The following CMKLR1 variants were observed in gnomAD, a reference collection of about 807,000 sequenced individuals.
The protein encoded by CMKLR1 is chemerin chemokine-like receptor 1.
CMKLR1 carries 6 observed loss-of-function variants against 8.2 expected under a neutral mutation model. The ratio of observed to expected loss-of-function variants is 0.73; its 90% CI spans 0.40 to 1.44. The LOEUF is 1.44. Ranked by LOEUF, CMKLR1 falls within the 40% of genes most tolerant of loss-of-function variation. The pLI is 0.02. For missense variants in CMKLR1, 429 were observed against 478.0 expected (o/e 0.90, Z 0.96); for synonymous variants, 178 against 181.2 (o/e 0.98, Z 0.14).
chr12:108,321,530 C>A (rs569335872), intron 2 of CMKLR1, among the ~76,000 whole-genome samples: 1 of 152,154 alleles, frequency 6.6e-6, no homozygotes, highest in African/African-American at 2.4e-5. Flanking sequence ...TGCACTTTCA[C>A]GCGTCTGCGT....
At position 108,289,408 on chromosome 12, in the gene CMKLR1, A is replaced by T. The variant is rs879431587; in HGVS notation, c.*2433T>A. 1 of 152,336 alleles carries T rather than the reference A, an allele frequency of 6.6e-6. No homozygotes were observed. Among genetic ancestry groups the T allele is most frequent in the Non-Finnish European group, 1.5e-5 (1 of 68,118 alleles). The allele number at this position is 152,336 out of a possible 1,614,324, so 9.4% of individuals were successfully genotyped here. ...GCATTTAAGTACTTGACAGGAACCTAAGTCAGAACAGGAAGACCCACAGAG... is the reference window on the plus strand; with the variant it reads ...GCATTTAAGTACTTGACAGGAACCTTAGTCAGAACAGGAAGACCCACAGAG... On this transcript the variant is annotated 3_prime_UTR_variant, in exon 4 of 4. Coordinates refer to ENST00000550402, the MANE Select transcript of CMKLR1 (RefSeq NM_001142343.2).
At chr12:108,334,327 G>A (rs1318253113) in intron 1 of CMKLR1, among the ~76,000 whole-genome samples, 1 of 152,258 alleles carries the variant, frequency 6.6e-6, no homozygotes, top group Non-Finnish European at 1.5e-5. Flanking sequence ...TGCTGCAGCT[G>A]TTACTCCCAC....
chr12:108,299,947 C>A (rs1878021), intron 2 of CMKLR1, among the ~76,000 whole-genome samples: 3 of 152,106 alleles, frequency 2.0e-5, no homozygotes, highest in Non-Finnish European at 4.4e-5. Flanking sequence ...GCTCCTACAG[C>A]GTCCTGCTCA....
chr12:108,313,199 A>T (rs1891629386), intron 2 of CMKLR1, among the ~76,000 whole-genome samples: 1 of 151,908 alleles, frequency 6.6e-6, no homozygotes. Context: ...CCAGGCTGTC[A>T]CCTCTCCCAA....
rs1890938952 is a variant in CMKLR1, at chr12:108,290,679, G to A, written c.*1162C>T. On this transcript the variant is annotated 3_prime_UTR_variant, in exon 4 of 4. Coordinates refer to ENST00000550402, the MANE Select transcript of CMKLR1 (RefSeq NM_001142343.2). ...TGGCCACAGGGACGTGTCAGTATTAGATGAGAAAAGCCATGCCAGGCACCT... is the reference window on the plus strand; with the variant it reads ...TGGCCACAGGGACGTGTCAGTATTAAATGAGAAAAGCCATGCCAGGCACCT... The A allele has an allele frequency of 6.6e-6, 1 of 152,184 alleles. No individual in the cohort carries two copies. Among genetic ancestry groups the A allele is most frequent in the East Asian group, 1.9e-4 (1 of 5,190 alleles). 9.4% of individuals were successfully genotyped at this position (152,184 alleles called of 1,614,324 possible).
chr12:108,306,403 G>GGGTT (rs1891409984), intron 2 of CMKLR1, among the ~76,000 whole-genome samples: 1 of 151,972 alleles, frequency 6.6e-6, no homozygotes, highest in South Asian at 2.1e-4. Flanking sequence ...TCATTTGAGT[G>GGGTT]GGTTGTCCAT....
intron 2 of CMKLR1, among the ~76,000 whole-genome samples, chr12:108,321,095 C>G (rs1333149651): frequency 1.3e-5 from 2 of 152,216 alleles, no homozygotes; most frequent in African/African-American, 4.8e-5. Context: ...ACAATGCTCA[C>G]TCCAGGGGTC....
At chr12:108,312,570 G>A (rs1327938299) in intron 2 of CMKLR1, among the ~76,000 whole-genome samples, 4 of 152,172 alleles carry the variant, frequency 2.6e-5, no homozygotes, top group Non-Finnish European at 1.5e-5. Flanking sequence ...ACAAACCTTC[G>A]AGGTAGATAT....
At chr12:108,311,559 G>A (rs370613935) in intron 2 of CMKLR1, among the ~76,000 whole-genome samples, 8 of 152,204 alleles carry the variant, frequency 5.3e-5, no homozygotes, top group Admixed American at 2.6e-4. Context: ...CCAGGAAGTC[G>A]AGGCTGCAGT....
intron 2 of CMKLR1, among the ~76,000 whole-genome samples, chr12:108,298,522 C>T (rs1593159556): frequency 2.0e-5 from 3 of 152,236 alleles, no homozygotes; most frequent in Non-Finnish European, 4.4e-5. Context: ...TTTCCTGATA[C>T]ACCAGGCCGT....
chr12:108,303,238 C>T (rs144996213), intron 2 of CMKLR1, among the ~76,000 whole-genome samples: 269 of 152,334 alleles, frequency 1.8e-3, no homozygotes, highest in African/African-American at 5.7e-3. Context: ...AGTCCTTCCT[C>T]GTCGAGCCCA....
chr12:108,328,286 C>T (rs1162238730), intron 2 of CMKLR1, among the ~76,000 whole-genome samples: 2 of 152,246 alleles, frequency 1.3e-5, no homozygotes, highest in Admixed American at 6.5e-5. Flanking sequence ...ACCGGCATTT[C>T]TTAGCCTCTC....
intron 2 of CMKLR1, among the ~76,000 whole-genome samples, chr12:108,295,004 T>A (rs1179162146): frequency 6.6e-6 from 1 of 152,244 alleles, no homozygotes; most frequent in East Asian, 1.9e-4. Context: ...TTGGGTGTTA[T>A]CCCACTCTAT....
intron 2 of CMKLR1, among the ~76,000 whole-genome samples, chr12:108,309,917 G>C (rs4964671): frequency 0.64 from 96,685 of 152,072 alleles, 30,861 homozygotes; most frequent in South Asian, 0.73. Context: ...GTATGTCTTT[G>C]TGGACATGAA....
At chr12:108,299,355 C>CT (rs981930724) in intron 2 of CMKLR1, among the ~76,000 whole-genome samples, 2 of 152,088 alleles carry the variant, frequency 1.3e-5, no homozygotes, top group Non-Finnish European at 2.9e-5. Context: ...ATCAAAATCA[C>CT]TTTTTTTTCA....
In CMKLR1 at chr12:108,337,825, C is replaced by T. The variant is rs548472518; in HGVS notation, c.-287+1202G>A. The stretch of plus-strand genomic sequence containing the variant: ...TAAAGAAAAGGCCAAGCTGCCTCCT[C>T]CTGCACCAGAGGCCTGAATGACCCA... On this transcript the variant is annotated intron_variant, in intron 1 of 3. Transcript: ENST00000550402. Among the ~76,000 whole-genome samples, 218 of 152,290 alleles carry T rather than the reference C, an allele frequency of 1.4e-3. 4 individuals are homozygous for T. Among genetic ancestry groups the T allele is most frequent in the Admixed American group, 1.7e-3 (26 of 15,302 alleles).
chr12:108,312,705 G>A (rs1380436230), intron 2 of CMKLR1, among the ~76,000 whole-genome samples: 1 of 152,212 alleles, frequency 6.6e-6, no homozygotes, highest in Non-Finnish European at 1.5e-5. Context: ...CTGGAGTCCA[G>A]GTCTTCAGTG....
At chr12:108,300,489 GAA>G (rs1471562058) in intron 2 of CMKLR1, among the ~76,000 whole-genome samples, 1 of 152,122 alleles carries the variant, frequency 6.6e-6, no homozygotes, top group Non-Finnish European at 1.5e-5. Context: ...ATGAATGAAT[GAA>G]TGAATGCTTG....
chr12:108,320,659 CT>C (rs1259604120), intron 2 of CMKLR1: 1 of 152,424 alleles, frequency 6.6e-6, no homozygotes, highest in Non-Finnish European at 1.5e-5. Context: ...ACCTGTTCCA[CT>C]TTGGCCTTCC....
Sources: gnomAD v4.1 joint callset for allele counts (sites outside exome capture counted in the v4.1 genomes callset) on GRCh38, gnomAD v4.1.1 for gene constraint, MANE v1.5 for transcripts, NCBI Gene and HGNC (gene_info 2026-07-23, HGNC 2026-07-21) for gene names.